The following IQCH variants were observed in gnomAD, a reference collection of about 807,000 sequenced individuals.
The protein encoded by IQCH is IQ motif containing H.
A neutral mutation model predicts 117.0 loss-of-function variants in IQCH; 98 were observed. The ratio of observed to expected loss-of-function variants is 0.84; its 90% CI spans 0.71 to 0.99. IQCH has a LOEUF of 0.99. IQCH is among the 50% of genes least tolerant of loss of function. The pLI is 0.00. For synonymous variants in IQCH, 412 were observed against 448.2 expected (o/e 0.92, Z 1.02); for missense variants, 1,102 against 1,243.8 (o/e 0.89, Z 1.72).
chr15:67,356,760 T>G lies in IQCH; in HGVS notation c.638-585T>G, dbSNP rs1323861300. ...GTTTGCTGCTAGGCAGTAGGAGAGA[T>G]GTGATTGAGAGCATTATCTAGCATG... is the stretch of plus-strand genomic sequence containing the variant. On this transcript the variant is annotated intron_variant, in intron 6 of 20. Coordinates refer to ENST00000335894, the MANE Select transcript of IQCH (RefSeq NM_001031715.3). This position sits in a 1 kb window ranked among gnomAD's most constrained non-coding sequence, Gnocchi z 5.3. Among the ~76,000 whole-genome samples the G allele has an allele frequency of 6.6e-6, 1 of 152,190 alleles. No homozygotes were observed. Among genetic ancestry groups the G allele is most frequent in the Non-Finnish European group, 1.5e-5 (1 of 68,036 alleles).
At chr15:67,329,315 G>T (rs1483276451) in intron 4 of IQCH, among the ~76,000 whole-genome samples, 4 of 146,142 alleles carry the variant, frequency 2.7e-5, no homozygotes, top group Non-Finnish European at 1.5e-5. Context: ...AAAAAAAAAT[G>T]TTGTACTTCA....
At chr15:67,309,331 C>G (rs1008736695) in intron 4 of IQCH, among the ~76,000 whole-genome samples, 1 of 152,014 alleles carries the variant, frequency 6.6e-6, no homozygotes, top group Non-Finnish European at 1.5e-5. Flanking sequence ...GAGGTCTCCT[C>G]CAGGGATGCT....
chr15:67,362,800 A>G (rs942849068), intron 8 of IQCH, among the ~76,000 whole-genome samples: 2 of 152,212 alleles, frequency 1.3e-5, no homozygotes, highest in Middle Eastern at 3.2e-3. Context: ...CTTTGCTATC[A>G]AACTATATGG....
chr15:67,309,325 TCTC>T, intron 4 of IQCH, among the ~76,000 whole-genome samples: 1 of 152,116 alleles, frequency 6.6e-6, no homozygotes, highest in East Asian at 1.9e-4. Context: ...ATTGCTGAGG[TCTC>T]CTCCAGGGAT....
At chr15:67,492,986 A>G (rs1330862964) in intron 19 of IQCH, among the ~76,000 whole-genome samples, 3 of 152,174 alleles carry the variant, frequency 2.0e-5, no homozygotes, top group Non-Finnish European at 4.4e-5. Flanking sequence ...CTGTCCCTAC[A>G]CCTGTACCTG....
At position 67,425,487 on chromosome 15, in the gene IQCH, C is replaced by T. The variant is rs985610168; in HGVS notation, c.2505+3910C>T. Reference sequence around the variant, plus strand: ...ATTAGCTGGGCGTGGTGGCATGTGCCTGTAGTCCCAGCTGCCCGGGAGGCT... The same window carrying T: ...ATTAGCTGGGCGTGGTGGCATGTGCTTGTAGTCCCAGCTGCCCGGGAGGCT... On this transcript the variant is annotated intron_variant, in intron 16 of 20. Coordinates refer to ENST00000335894, the MANE Select transcript of IQCH (RefSeq NM_001031715.3). This position sits in a 1 kb window ranked among gnomAD's most constrained non-coding sequence, Gnocchi z 5.5. Among the ~76,000 whole-genome samples the T allele has an allele frequency of 6.6e-6, 1 of 152,122 alleles. No homozygotes were observed. The highest frequency in any genetic ancestry group is 1.5e-5 in the Non-Finnish European group (1 of 68,028).
rs1971638761 is a variant in IQCH, at chr15:67,401,010, T to C, written c.2097+705T>C. ...AGATAGAAATTCTATTAGTGAATTGTTGTCACCTGGAAGCTAATGTATAAT... is the reference window on the plus strand; with the variant it reads ...AGATAGAAATTCTATTAGTGAATTGCTGTCACCTGGAAGCTAATGTATAAT... On this transcript the variant is annotated intron_variant, in intron 14 of 20. Coordinates refer to ENST00000335894, the MANE Select transcript of IQCH (RefSeq NM_001031715.3). This position sits in a 1 kb window ranked among gnomAD's most constrained non-coding sequence, Gnocchi z 4.7. 6.6e-6 allele frequency among the ~76,000 whole-genome samples: 1 copy of C among 152,202 alleles called. No homozygotes were observed. Among genetic ancestry groups the C allele is most frequent in the African/African-American group, 2.4e-5 (1 of 41,442 alleles).
In IQCH at chr15:67,433,809, A is replaced by G. The variant is rs752246148; in HGVS notation, c.2505+12232A>G. Among the ~76,000 whole-genome samples, 17 of 152,200 alleles carry G rather than the reference A, an allele frequency of 1.1e-4. No individual in the cohort carries two copies. The highest frequency in any genetic ancestry group is 3.9e-4 in the African/African-American group (16 of 41,458). On this transcript the variant is annotated intron_variant, in intron 16 of 20. Transcript: ENST00000335894. This position sits in a 1 kb window ranked among gnomAD's most constrained non-coding sequence, Gnocchi z 5.4. ...AGAAAGACCATAAGATTCTTCACCT[A>G]TGAGCATTTATAGCTTGCCCCAGCA...
intron 5 of IQCH, among the ~76,000 whole-genome samples, chr15:67,339,954 A>G (rs1024912920): frequency 1.3e-5 from 2 of 152,144 alleles, no homozygotes; most frequent in Non-Finnish European, 2.9e-5. Context: ...GGACCTATAA[A>G]TTTGGGTAAA....
rs964035882 is a variant in IQCH at position 67,393,991 on chromosome 15, C to T, written c.1633-1300C>T. Reference sequence around the variant, plus strand: ...TATCTAACAGGTGAAGAAATAGGCTCAGGGGGTCTAAGTTACTTGCCTACA... The same window carrying T: ...TATCTAACAGGTGAAGAAATAGGCTTAGGGGGTCTAAGTTACTTGCCTACA... On this transcript the variant is annotated intron_variant, in intron 12 of 20. Coordinates refer to ENST00000335894, the MANE Select transcript of IQCH (RefSeq NM_001031715.3). This position sits in a 1 kb window ranked among gnomAD's most constrained non-coding sequence, Gnocchi z 5.5. Among the ~76,000 whole-genome samples the T allele has an allele frequency of 1.3e-5, 2 of 152,066 alleles. No homozygotes were observed. Among genetic ancestry groups the T allele is most frequent in the African/African-American group, 4.8e-5 (2 of 41,402 alleles).
Position 67,411,782 on chromosome 15 carries a change from G to T in IQCH, c.2098-5149G>T, listed in dbSNP as rs868783559. Among the ~76,000 whole-genome samples, 1 of 152,190 alleles carries T rather than the reference G, an allele frequency of 6.6e-6. No individual in the cohort carries two copies. The highest frequency in any genetic ancestry group is 1.5e-5 in the Non-Finnish European group (1 of 68,038). On this transcript the variant is annotated intron_variant, in intron 14 of 20. Transcript: ENST00000335894. This position sits in a 1 kb window ranked among gnomAD's most constrained non-coding sequence, Gnocchi z 4.4. ...CTAGCTTTAGTCATTGAGTGCAATGGAGAGTCTACTGGCTTCCCCTAAGAT... is the reference window on the plus strand; with the variant it reads ...CTAGCTTTAGTCATTGAGTGCAATGTAGAGTCTACTGGCTTCCCCTAAGAT...
Position 67,387,439 on chromosome 15 carries a change from T to C in IQCH, c.1457-1392T>C, listed in dbSNP as rs1175827053. ...TGAGTGACTCCTACATACTCCACAC[T>C]GTGCCAGGGCTTAGGGGAATATAAG... On this transcript the variant is annotated intron_variant, in intron 11 of 20. Coordinates refer to ENST00000335894, the MANE Select transcript of IQCH (RefSeq NM_001031715.3). This position sits in a 1 kb window ranked among gnomAD's most constrained non-coding sequence, Gnocchi z 4.8. 6.6e-6 allele frequency among the ~76,000 whole-genome samples: 1 copy of C among 152,144 alleles called. No homozygotes were observed. The highest frequency in any genetic ancestry group is 2.4e-5 in the African/African-American group (1 of 41,418).
At chr15:67,485,640 A>C (rs552129676) in intron 18 of IQCH, among the ~76,000 whole-genome samples, 1 of 152,298 alleles carries the variant, frequency 6.6e-6, no homozygotes, top group African/African-American at 2.4e-5. Context: ...CTGAAAATTG[A>C]AGAGCAATAG....
rs76300768 is a variant in IQCH, at chr15:67,385,259, T to C, written c.1456+240T>C. On this transcript the variant is annotated intron_variant, in intron 11 of 20. Coordinates refer to ENST00000335894, the MANE Select transcript of IQCH (RefSeq NM_001031715.3). This position sits in a 1 kb window ranked among gnomAD's most constrained non-coding sequence, Gnocchi z 4.6. ...AATTTACTTGGGCAGTTTTCTAGAT[T>C]ATCTTTGCTGCAGGTTTGGATCAGA... Among the ~76,000 whole-genome samples, 228 of 152,280 alleles carry C rather than the reference T, an allele frequency of 1.5e-3. 4 individuals are homozygous for C. In the East Asian group the frequency reaches 0.032, roughly 22 times the overall value.
chr15:67,445,739 T>C lies in IQCH; in HGVS notation c.2506-19388T>C, dbSNP rs1237019367. Among the ~76,000 whole-genome samples, 1 of 152,168 alleles carries C rather than the reference T, an allele frequency of 6.6e-6. No homozygotes were observed. The highest frequency in any genetic ancestry group is 1.5e-5 in the Non-Finnish European group (1 of 68,034). On this transcript the variant is annotated intron_variant, in intron 16 of 20. Coordinates refer to ENST00000335894, the MANE Select transcript of IQCH (RefSeq NM_001031715.3). The surrounding 1 kb of genome is among the most constrained non-coding windows in gnomAD (Gnocchi z 4.3). ...GGCGTGAGCCACCGCACCTGGCCTG[T>C]TTTTTAATCTTTGTAGATGTCTCCA...
At chr15:67,290,934 A>G (rs571374213) in intron 4 of IQCH, among the ~76,000 whole-genome samples, 1 of 93,000 alleles carries the variant, frequency 1.1e-5, no homozygotes, top group South Asian at 3.3e-4. Context: ...TTTTTGGAGC[A>G]CTGCTGGCCT....
intron 16 of IQCH, among the ~76,000 whole-genome samples, chr15:67,464,888 A>G (rs920079119): frequency 1.3e-5 from 2 of 152,206 alleles, no homozygotes; most frequent in Non-Finnish European, 2.9e-5. Flanking sequence ...TCTCTGTCAG[A>G]TTGTCTTGGC....
intron 9 of IQCH, 121 bp downstream of exon 9, chr15:67,372,783 C>G (rs1450692154): frequency 1.3e-6 from 1 of 783,444 alleles, no homozygotes; most frequent in Middle Eastern, 3.7e-4. Context: ...TTGCCTCAGA[C>G]TCCCACGCCT....
intron 4 of IQCH, among the ~76,000 whole-genome samples, chr15:67,307,454 T>TTGTGTTAA (rs1420778292): frequency 1.3e-5 from 2 of 150,022 alleles, no homozygotes; most frequent in Non-Finnish European, 3.0e-5. Context: ...AGTGAGGCAA[T>TTGTGTTAA]TGTGTTAATG....
Sources: allele counts gnomAD v4.1 joint callset (sites outside exome capture counted in the v4.1 genomes callset), GRCh38; gene constraint gnomAD v4.1.1; non-coding constraint Gnocchi (gnomAD v3.1); transcripts MANE v1.5; gene names NCBI Gene and HGNC (gene_info 2026-07-23, HGNC 2026-07-21).